ADAM19: variants seen among roughly 807,000 people sequenced by gnomAD.
The protein encoded by ADAM19 is ADAM metallopeptidase domain 19.
ADAM19 carries 65 observed loss-of-function variants against 114.7 expected under a neutral mutation model. The ratio of observed to expected loss-of-function variants is 0.57; its 90% CI spans 0.46 to 0.70. The LOEUF (loss-of-function observed/expected upper bound fraction) is 0.70. Among genes scored for constraint, ADAM19 ranks in the 30% least tolerant of loss-of-function variants. The pLI is 0.00. For missense variants in ADAM19, 1,063 were observed against 1,204.7 expected (o/e 0.88, Z 1.74); for synonymous variants, 466 against 460.5 (o/e 1.01, Z -0.15).
chr5:157,534,410 T>C (rs776458291), intron 4 of ADAM19, among the ~76,000 whole-genome samples: 36 of 152,218 alleles, frequency 2.4e-4, no homozygotes, highest in Non-Finnish European at 4.0e-4. Flanking sequence ...AGAGGTTGCA[T>C]TGAGTCAAGA....
chr5:157,537,134 T>C (rs1433066202), intron 4 of ADAM19, among the ~76,000 whole-genome samples: 1 of 152,214 alleles, frequency 6.6e-6, no homozygotes, highest in Non-Finnish European at 1.5e-5. Context: ...CAATAAAAAT[T>C]GCCTGCAAAC....
At chr5:157,568,072 T>C (rs1757718288) in intron 2 of ADAM19, 1 of 151,704 alleles carries the variant, frequency 6.6e-6, no homozygotes, top group Non-Finnish European at 1.5e-5. Context: ...ATCTCCAGGG[T>C]TCAAGCCATT....
At chr5:157,538,718 A>G (rs1229492127) in intron 3 of ADAM19, among the ~76,000 whole-genome samples, 2 of 152,198 alleles carry the variant, frequency 1.3e-5, no homozygotes, top group African/African-American at 2.4e-5. Flanking sequence ...AGACCCCTTG[A>G]AGTACAGGTT....
At chr5:157,488,983 T>C (rs1284342354) in intron 20 of ADAM19, 119 bp downstream of exon 20, 1 of 737,520 alleles carries the variant, frequency 1.4e-6, no homozygotes, top group African/African-American at 1.8e-5. Context: ...TGAGCTGAGA[T>C]GGCGCCACTG....
At chr5:157,484,162 C>T (rs977486685) in intron 21 of ADAM19, among the ~76,000 whole-genome samples, 5 of 152,162 alleles carry the variant, frequency 3.3e-5, no homozygotes, top group South Asian at 2.1e-4. Context: ...CAACAGCCCC[C>T]ACCCTGACAT....
chr5:157,561,205 C>T (rs932387028), intron 3 of ADAM19, among the ~76,000 whole-genome samples: 9 of 152,198 alleles, frequency 5.9e-5, no homozygotes, highest in Admixed American at 4.6e-4. Flanking sequence ...GACAGGCTGC[C>T]GGCTGCCGCG....
At chr5:157,539,041 T>C (rs1581339237) in intron 3 of ADAM19, among the ~76,000 whole-genome samples, 1 of 151,720 alleles carries the variant, frequency 6.6e-6, no homozygotes, top group African/African-American at 2.4e-5. Flanking sequence ...AGCAGGTGCC[T>C]AGCTGGGAGG....
At chr5:157,558,540 G>A (rs937251953) in intron 3 of ADAM19, among the ~76,000 whole-genome samples, 5 of 152,184 alleles carry the variant, frequency 3.3e-5, no homozygotes, top group African/African-American at 1.2e-4. Context: ...TACCATCTAA[G>A]CCTTTCTAAG....
intron 3 of ADAM19, among the ~76,000 whole-genome samples, chr5:157,554,899 T>C (rs1010510328): frequency 2.6e-5 from 4 of 152,130 alleles, no homozygotes; most frequent in African/African-American, 9.7e-5. Flanking sequence ...GGAGCCAAGC[T>C]TGGGATGCAC....
intron 14 of ADAM19, among the ~76,000 whole-genome samples, chr5:157,495,527 C>T (rs377630724): frequency 1.0e-3 from 152 of 152,322 alleles, no homozygotes; most frequent in African/African-American, 1.5e-3. Flanking sequence ...CACTTATTAA[C>T]AGTATATTTT....
chr5:157,537,827 C>G, intron 4 of ADAM19, 86 bp downstream of exon 4: 1 of 1,262,636 alleles, frequency 7.9e-7, no homozygotes, highest in Non-Finnish European at 1.1e-6. Flanking sequence ...GAGGAGAGAC[C>G]AACTCCATCA....
chr5:157,547,623 C>T (rs1488097872), intron 3 of ADAM19, among the ~76,000 whole-genome samples: 2 of 152,144 alleles, frequency 1.3e-5, no homozygotes, highest in Non-Finnish European at 2.9e-5. Flanking sequence ...TATAAGTGAC[C>T]CAGTCTCTAG....
rs184084651 is a variant in ADAM19 at position 157,519,802 on chromosome 5, C to T, written c.600+37G>A. ...AACCTCAGAGGGGACAAGCCTGTCC[C>T]CAGGTTGATTTCTGCACTGAGAGCC... is the stretch of plus-strand genomic sequence containing the variant. On this transcript the variant is annotated intron_variant, in intron 6 of 22. Coordinates refer to ENST00000257527, the MANE Select transcript of ADAM19 (RefSeq NM_033274.5). 306 of 1,568,986 alleles carry T rather than the reference C, an allele frequency of 2.0e-4. 1 individual carries two copies. Among genetic ancestry groups the T allele is most frequent in the Non-Finnish European group, 2.4e-4 (274 of 1,154,012 alleles).
At chr5:157,525,672 A>C (rs1160700882) in intron 5 of ADAM19, among the ~76,000 whole-genome samples, 1 of 134,276 alleles carries the variant, frequency 7.4e-6, no homozygotes, top group Non-Finnish European at 1.7e-5. Flanking sequence ...CAAGGAAAAA[A>C]TTTAATGGGG....
intron 3 of ADAM19, among the ~76,000 whole-genome samples, chr5:157,541,173 C>T (rs1383518817): frequency 1.3e-5 from 2 of 152,252 alleles, no homozygotes; most frequent in Non-Finnish European, 1.5e-5. Context: ...GCCCAGCTGC[C>T]CCATTCTCTG....
At chr5:157,514,595 G>A (rs1051276983) in intron 7 of ADAM19, among the ~76,000 whole-genome samples, 1 of 152,152 alleles carries the variant, frequency 6.6e-6, no homozygotes, top group Non-Finnish European at 1.5e-5. Flanking sequence ...CCAAAGTGCT[G>A]GGATTACAGG....
At chr5:157,518,252 T>C (rs945967221) in intron 7 of ADAM19, among the ~76,000 whole-genome samples, 21 of 150,980 alleles carry the variant, frequency 1.4e-4, no homozygotes, top group South Asian at 4.2e-4. Context: ...CAGACAACTG[T>C]CTTGATTTTC....
In ADAM19 at chr5:157,537,928, G is replaced by A; in HGVS notation, c.315C>T (p.Thr105=). 6.2e-7 allele frequency: 1 copy of A among 1,613,968 alleles called. No homozygotes were observed. The highest frequency in any genetic ancestry group is 1.3e-5 in the African/African-American group (1 of 75,022). Reference sequence around the variant, plus strand: ...CTGAACTCACCTCCAATTTCCGTGTGGTGGTTTGAGGGTTACCACTTGAAG... The same window carrying A: ...CTGAACTCACCTCCAATTTCCGTGTAGTGGTTTGAGGGTTACCACTTGAAG... The part of the protein sequence containing the change: ...HYTSSGNPQT[T]TRKLEDHCFY... The change falls in exon 4 of 23, where the codon ACC becomes ACT. Residue 105 remains threonine, a synonymous_variant. Coordinates refer to ENST00000257527, the MANE Select transcript of ADAM19 (RefSeq NM_033274.5).
intron 5 of ADAM19, 81 bp downstream of exon 5, chr5:157,530,726 C>T (rs1056100238): frequency 7.9e-7 from 1 of 1,261,112 alleles, no homozygotes; most frequent in Non-Finnish European, 1.2e-6. Flanking sequence ...TCCCAAGGTC[C>T]TTGCCTCAGC....
Sources: allele counts gnomAD v4.1 joint callset (sites outside exome capture counted in the v4.1 genomes callset), GRCh38; gene constraint gnomAD v4.1.1; transcripts MANE v1.5; gene names NCBI Gene and HGNC (gene_info 2026-07-23, HGNC 2026-07-21).